Variants in NRXN1 observed in about 807,000 individuals in gnomAD.
The protein encoded by NRXN1 is neurexin 1.
NRXN1 carries 39 observed loss-of-function variants against 150.9 expected under a neutral mutation model. The ratio of observed to expected loss-of-function variants is 0.26; its 90% CI spans 0.20 to 0.34. NRXN1 has a LOEUF of 0.34. NRXN1 is among the 10% of genes least tolerant of loss of function. NRXN1 has a pLI of 1.00. For synonymous variants in NRXN1, 924 were observed against 757.0 expected, an observed-to-expected ratio of 1.22 and a Z score of -3.62; for missense variants, 1,815 against 1,949.9, an observed-to-expected ratio of 0.93 and a Z score of 1.30.
chr2:50,958,084 C>T (rs918499925), intron 2 of NRXN1, among the ~76,000 whole-genome samples: 5 of 152,072 alleles, frequency 3.3e-5, no homozygotes, highest in Admixed American at 3.3e-4. Context: ...GTCTCAGTGC[C>T]TTTCTGGGCC....
At chr2:50,758,179 A>G (rs1468792936) in intron 5 of NRXN1, 1 of 151,882 alleles carries the variant, frequency 6.6e-6, no homozygotes, top group Non-Finnish European at 1.5e-5. Context: ...ACCAACGCAG[A>G]GACCAGACCC....
intron 5 of NRXN1, among the ~76,000 whole-genome samples, chr2:50,744,767 T>C (rs949133188): frequency 1.3e-5 from 2 of 152,154 alleles, no homozygotes; most frequent in Admixed American, 6.6e-5. Context: ...TATGGTTACA[T>C]GAAACTGTAA....
intron 5 of NRXN1, among the ~76,000 whole-genome samples, chr2:50,626,186 T>C (rs1315095618): frequency 2.6e-5 from 4 of 151,950 alleles, no homozygotes; most frequent in African/African-American, 7.2e-5. Flanking sequence ...TAGAGTTCTG[T>C]GTACTAGAGA....
At chr2:50,390,638 G>A (rs1250127624) in intron 17 of NRXN1, among the ~76,000 whole-genome samples, 1 of 152,024 alleles carries the variant, frequency 6.6e-6, no homozygotes, top group Non-Finnish European at 1.5e-5. Context: ...GAGGTGATTA[G>A]GCCATATGGA....
chr2:50,382,959 C>T (rs2081074391), intron 17 of NRXN1, among the ~76,000 whole-genome samples: 1 of 152,148 alleles, frequency 6.6e-6, no homozygotes, highest in South Asian at 2.1e-4. Context: ...TACTTATCCT[C>T]ACAGTATCTA....
At chr2:50,631,364 G>A (rs1682289919) in intron 5 of NRXN1, 2 of 243,118 alleles carry the variant, frequency 8.2e-6, no homozygotes, top group Non-Finnish European at 1.6e-5. Context: ...TGATACACTT[G>A]AAGTCACTAA....
intron 5 of NRXN1, among the ~76,000 whole-genome samples, chr2:50,777,542 TG>T (rs2105490575): frequency 6.6e-6 from 1 of 152,288 alleles, no homozygotes; most frequent in South Asian, 2.1e-4. Context: ...GCAAAGTTTT[TG>T]TAACTATTTT....
At chr2:49,923,934 G>A (rs1414734252) in intron 22 of NRXN1, among the ~76,000 whole-genome samples, 1 of 152,226 alleles carries the variant, frequency 6.6e-6, no homozygotes, top group African/African-American at 2.4e-5. Flanking sequence ...AAAAGCTTTG[G>A]TGTTGCTTCT....
chr2:49,961,637 G>T (rs924498665), intron 21 of NRXN1, among the ~76,000 whole-genome samples: 8 of 152,076 alleles, frequency 5.3e-5, no homozygotes, highest in Non-Finnish European at 8.8e-5. Context: ...AATATTCAGT[G>T]AAATTTCTAT....
rs554840087 is a variant in NRXN1 at position 50,777,203 on chromosome 2, C to T, written c.832+144666G>A. Among the ~76,000 whole-genome samples, 17 of 152,000 alleles carry T rather than the reference C, an allele frequency of 1.1e-4. No individual in the cohort carries two copies. The South Asian group carries it at 2.3e-3, about 20-fold the overall frequency. ...AGATTTTATATATTGCTTAAATTAA[C>T]GGCCAAAAAAAGCCTCCAAGGGGTA... is the stretch of plus-strand genomic sequence containing the variant. On this transcript the variant is annotated intron_variant, in intron 5 of 22. Coordinates refer to ENST00000401669, the MANE Select transcript of NRXN1 (RefSeq NM_001330078.2).
intron 17 of NRXN1, among the ~76,000 whole-genome samples, chr2:50,445,747 G>A (rs2086344771): frequency 1.3e-5 from 2 of 152,130 alleles, no homozygotes; most frequent in African/African-American, 4.8e-5. Flanking sequence ...CACAGCAAAT[G>A]AGCAAACGGT....
chr2:50,899,798 C>A (rs1365420378), intron 5 of NRXN1, among the ~76,000 whole-genome samples: 1 of 152,084 alleles, frequency 6.6e-6, no homozygotes, highest in South Asian at 2.1e-4. Context: ...TGATATCTGG[C>A]AGAATTATGT....
intron 18 of NRXN1, among the ~76,000 whole-genome samples, chr2:50,202,988 A>T (rs746272263): frequency 6.6e-6 from 1 of 152,182 alleles, no homozygotes; most frequent in Non-Finnish European, 1.5e-5. Context: ...CAATGGGAGA[A>T]GAAATTGAAG....
At chr2:50,743,189 C>T (rs1212873272) in intron 5 of NRXN1, among the ~76,000 whole-genome samples, 1 of 152,108 alleles carries the variant, frequency 6.6e-6, no homozygotes, top group Non-Finnish European at 1.5e-5. Flanking sequence ...GCTTTTTGAA[C>T]TTGAGGTTAG....
intron 21 of NRXN1, among the ~76,000 whole-genome samples, chr2:49,997,572 G>A (rs768380605): frequency 4.6e-5 from 7 of 152,128 alleles, no homozygotes; most frequent in Admixed American, 3.3e-4. Flanking sequence ...AGTATTTTCT[G>A]AGTATCTACT....
chr2:50,768,337 C>T (rs1338959340), intron 5 of NRXN1, among the ~76,000 whole-genome samples: 1 of 152,078 alleles, frequency 6.6e-6, no homozygotes, highest in African/African-American at 2.4e-5. Context: ...AAGAAAGCAA[C>T]TTGCTCTATT....
intron 17 of NRXN1, among the ~76,000 whole-genome samples, chr2:50,441,518 T>C (rs773994499): frequency 6.6e-6 from 1 of 152,176 alleles, no homozygotes; most frequent in African/African-American, 2.4e-5. Context: ...ATGGCATTTG[T>C]TCTTTCCAGC....
At chr2:50,977,274 T>A (rs1293699528) in intron 2 of NRXN1, among the ~76,000 whole-genome samples, 2 of 151,866 alleles carry the variant, frequency 1.3e-5, no homozygotes, top group African/African-American at 4.8e-5. Flanking sequence ...GGGTCAGAGA[T>A]AATAATTTTG....
intron 18 of NRXN1, among the ~76,000 whole-genome samples, chr2:50,165,348 A>AT (rs959142329): frequency 1.8e-4 from 27 of 151,034 alleles, no homozygotes; most frequent in African/African-American, 3.9e-4. Context: ...CCTCAGCACT[A>AT]TTTTTTTTTC....
Sources: allele counts gnomAD v4.1 joint callset (sites outside exome capture counted in the v4.1 genomes callset), GRCh38; gene constraint gnomAD v4.1.1; transcripts MANE v1.5; gene names NCBI Gene and HGNC (gene_info 2026-07-23, HGNC 2026-07-21).